Variants in NAV3 observed in about 807,000 individuals in gnomAD.
NAV3 encodes pore membrane and/or filament interacting like protein 1.
Under a neutral mutation model 244.7 loss-of-function variants are expected in NAV3, and 87 were observed. That is an observed-to-expected ratio of 0.36 (90% CI 0.30 to 0.42). The LOEUF (loss-of-function observed/expected upper bound fraction) is 0.42, where lower values mean the gene tolerates loss of function less well. Ranked by LOEUF, NAV3 falls within the 20% of genes least tolerant of loss-of-function variation. NAV3 has a pLI of 1.00. For synonymous variants in NAV3, 1,126 were observed against 1,042.2 expected, an observed-to-expected ratio of 1.08 and a Z score of -1.55; for missense variants, 2,663 against 2,893.3, an observed-to-expected ratio of 0.92 and a Z score of 1.83.
Position 77,940,421 on chromosome 12 carries a change from A to G in NAV3, c.346A>G (p.Ile116Val), listed in dbSNP as rs528385235. The G allele has an allele frequency of 4.7e-5, 75 of 1,612,382 alleles. No homozygotes were observed. The highest frequency in any genetic ancestry group is 3.3e-4 in the Middle Eastern group (2 of 6,054). ...DIADGVLLAE[I>V]IQIIANEKVE... ...TGCAGATGGAGTACTCCTAGCAGAA[A>G]TCATCCAGATTATTGGTAAGCCCTT... The change falls in exon 2 of 40, where the codon ATC becomes GTC. Residue 116 changes from isoleucine to valine, a missense_variant. By Grantham distance (29) the Ile-to-Val change is conservative. Transcript: ENST00000397909.
chr12:78,189,419 C>G (rs1958872145), intron 33 of NAV3, among the ~76,000 whole-genome samples: 2 of 151,614 alleles, frequency 1.3e-5, no homozygotes, highest in African/African-American at 4.8e-5. Flanking sequence ...TACTGTTGCT[C>G]CTTTCTTAAT....
intron 2 of NAV3, among the ~76,000 whole-genome samples, chr12:77,723,734 GT>G (rs1315848537): frequency 1.3e-5 from 1 of 79,964 alleles, no homozygotes; most frequent in African/African-American, 4.8e-5. Flanking sequence ...ATTTCGAGGA[GT>G]TTCTTCTTGG....
At chr12:77,629,314 T>C (rs2136910526) in intron 2 of NAV3, among the ~76,000 whole-genome samples, 1 of 152,314 alleles carries the variant, frequency 6.6e-6, no homozygotes, top group South Asian at 2.1e-4. Context: ...TGAAGTGAAA[T>C]AGAAATTTTG....
At chr12:77,577,826 C>A (rs1410692329) in intron 2 of NAV3, among the ~76,000 whole-genome samples, 1 of 152,036 alleles carries the variant, frequency 6.6e-6, no homozygotes, top group African/African-American at 2.4e-5. Context: ...TGGCTTTTAT[C>A]ATTTCATAAA....
chr12:77,719,204 A>T lies in NAV3; in HGVS notation c.72+146938A>T, dbSNP rs536463951. ...CTTTACTAAATTTGTTTTTTCTAAC[A>T]TTTTTTGAAATCTTTAGGGCTTTTT... On this transcript the variant is annotated intron_variant, in intron 2 of 8. Transcript: ENST00000550042. Among the ~76,000 whole-genome samples the T allele has an allele frequency of 3.9e-5, 6 of 152,192 alleles. No individual in the cohort carries two copies. The East Asian group carries it at 1.2e-3, about 29-fold the overall frequency.
intron 2 of NAV3, among the ~76,000 whole-genome samples, chr12:77,723,666 G>A (rs1465687171): frequency 6.0e-5 from 9 of 149,892 alleles, no homozygotes; most frequent in African/African-American, 2.2e-4. Context: ...ATAAAGGAGG[G>A]TCAATTGGAA....
At chr12:78,201,247 A>T (rs1411667511) in intron 38 of NAV3, among the ~76,000 whole-genome samples, 6 of 151,212 alleles carry the variant, frequency 4.0e-5, no homozygotes, top group Admixed American at 6.6e-5. Context: ...TGTTATTATT[A>T]TTATTTTAGA....
intron 20 of NAV3, among the ~76,000 whole-genome samples, chr12:78,144,691 T>A (rs1194794493): frequency 6.6e-6 from 1 of 151,700 alleles, no homozygotes; most frequent in Non-Finnish European, 1.5e-5. Context: ...GCGGTGAGTA[T>A]ATTTCTTGAT....
At chr12:78,024,678 T>TA (rs1877704721) in intron 9 of NAV3, among the ~76,000 whole-genome samples, 1 of 152,032 alleles carries the variant, frequency 6.6e-6, no homozygotes, top group East Asian at 1.9e-4. Context: ...AACCTTAATT[T>TA]AAAAAACACA....
intron 3 of NAV3, among the ~76,000 whole-genome samples, chr12:77,955,416 T>A (rs988815159): frequency 2.0e-5 from 3 of 152,200 alleles, no homozygotes; most frequent in African/African-American, 7.2e-5. Flanking sequence ...GGGCTCTGAG[T>A]GACCTTGGGC....
chr12:77,724,229 G>A (rs1876774909), intron 2 of NAV3, among the ~76,000 whole-genome samples: 1 of 151,870 alleles, frequency 6.6e-6, no homozygotes, highest in South Asian at 2.1e-4. Context: ...GACCATATAT[G>A]TGGGCACTTA....
chr12:78,043,292 T>C (rs1213067379), intron 9 of NAV3, among the ~76,000 whole-genome samples: 1 of 152,250 alleles, frequency 6.6e-6, no homozygotes, highest in African/African-American at 2.4e-5. Context: ...TAGTATTCCA[T>C]GGTGTATATG....
At chr12:77,781,707 A>T (rs1327728645) in intron 2 of NAV3, among the ~76,000 whole-genome samples, 2 of 152,154 alleles carry the variant, frequency 1.3e-5, no homozygotes, top group African/African-American at 4.8e-5. Context: ...TCCTAAATTG[A>T]TTGAGGCCTG....
At chr12:78,022,256 G>T (rs1877279570) in intron 9 of NAV3, among the ~76,000 whole-genome samples, 1 of 152,002 alleles carries the variant, frequency 6.6e-6, no homozygotes. Context: ...GGCTTCAAAT[G>T]ACCATTCTAA....
intron 1 of NAV3, among the ~76,000 whole-genome samples, chr12:77,870,043 C>A (rs1309407640): frequency 6.6e-6 from 1 of 152,036 alleles, no homozygotes; most frequent in East Asian, 1.9e-4. Flanking sequence ...AATGTTACTG[C>A]AATATAAAAA....
chr12:78,039,844 G>A (rs994048346), intron 9 of NAV3, among the ~76,000 whole-genome samples: 21 of 151,890 alleles, frequency 1.4e-4, no homozygotes, highest in African/African-American at 5.1e-4. Flanking sequence ...AAAAACTCTA[G>A]TAGATTTCAG....
chr12:78,119,328 C>T lies in NAV3; in HGVS notation c.3132C>T (p.Ser1044=), dbSNP rs781627008. The change falls in exon 15 of 40, where the codon AGC becomes AGT. Residue 1044 remains serine (S), a synonymous_variant. Coordinates refer to ENST00000397909, the MANE Select transcript of NAV3 (RefSeq NM_001024383.2). ...LQRSPSDAGK[S]SGDEGKKPPS... is the part of the protein sequence containing the mutation. ...GATCTCCTTCAGATGCAGGAAAAAG[C>T]AGTGGAGATGAAGGGAAAAAGCCCC... 37 of 1,613,994 alleles carry T rather than the reference C, an allele frequency of 2.3e-5. No homozygotes were observed. Among genetic ancestry groups the T allele is most frequent in the East Asian group, 2.2e-5 (1 of 44,886 alleles).
intron 18 of NAV3, among the ~76,000 whole-genome samples, chr12:78,132,961 T>C (rs1416957219): frequency 1.3e-5 from 2 of 152,194 alleles, no homozygotes; most frequent in East Asian, 3.8e-4. Flanking sequence ...TTGTACATTT[T>C]CAATAGACAG....
intron 5 of NAV3, among the ~76,000 whole-genome samples, chr12:77,977,722 A>G (rs1434701459): frequency 1.4e-4 from 21 of 151,304 alleles, no homozygotes; most frequent in African/African-American, 3.2e-4. Context: ...GCACACACAC[A>G]CACACACACA....
Sources: allele counts gnomAD v4.1 joint callset (sites outside exome capture counted in the v4.1 genomes callset), GRCh38; gene constraint gnomAD v4.1.1; transcripts MANE v1.5; gene names NCBI Gene and HGNC (gene_info 2026-07-23, HGNC 2026-07-21).